UTRN: variants seen among roughly 807,000 people sequenced by gnomAD.
UTRN encodes utrophin.
A neutral mutation model predicts 463.9 loss-of-function variants in UTRN; 283 were observed. The observed-to-expected ratio is 0.61, with a 90% CI of 0.55 to 0.67. UTRN has a LOEUF of 0.67. Among genes scored for constraint, UTRN ranks in the 30% least tolerant of loss-of-function variants. The pLI is 0.00. For missense variants in UTRN, 3,922 were observed against 4,084.3 expected (o/e 0.96, Z 1.08); for synonymous variants, 1,442 against 1,431.5 (o/e 1.01, Z -0.17).
chr6:144,446,537 T>C (rs1254498117), intron 14 of UTRN, among the ~76,000 whole-genome samples: 1 of 152,268 alleles, frequency 6.6e-6, no homozygotes, highest in Admixed American at 6.5e-5. Flanking sequence ...TATCACAATG[T>C]AGCTACGGTT....
chr6:144,438,819 A>G lies in UTRN; in HGVS notation c.1316A>G (p.Glu439Gly), dbSNP rs574930209. 11 of 1,614,220 alleles carry G rather than the reference A, an allele frequency of 6.8e-6. No homozygotes were observed. In the South Asian group the frequency reaches 9.9e-5, roughly 14 times the overall value. ...TCCGCCTGGTTAACACTCACAGAGG[A>G]GCGCATTCAGAAGATGGAAACTTGC... Reference protein sequence around the residue: ...QLSAWLTLTEERIQKMETCPL... With the variant: ...QLSAWLTLTEGRIQKMETCPL... Residue 439 changes from glutamate (E) to glycine (G), a missense_variant, in exon 12 of 75, where the codon GAG becomes GGG. By Grantham distance (98) the Glu-to-Gly change is moderately conservative. Around this residue, in one of 3 missense-constraint regions of UTRN, gnomAD observed 2,349 missense variants for 2,303.8 expected, o/e 1.02. Transcript: ENST00000367545.
intron 62 of UTRN, 133 bp downstream of exon 62, chr6:144,789,412 A>G: frequency 1.4e-6 from 1 of 723,556 alleles, no homozygotes; most frequent in Admixed American, 3.2e-5. Context: ...TACTGTGCCT[A>G]TACCAAGTTA....
At chr6:144,803,175 TA>T (rs1777849135) in intron 65 of UTRN, 28 bp downstream of exon 65, 1 of 1,371,356 alleles carries the variant, frequency 7.3e-7, no homozygotes, top group Admixed American at 2.6e-5. Context: ...GTTTTGTTTT[TA>T]ATACATTGCC....
At chr6:144,505,864 C>G (rs1794648973) in intron 34 of UTRN, among the ~76,000 whole-genome samples, 1 of 151,956 alleles carries the variant, frequency 6.6e-6, no homozygotes, top group South Asian at 2.1e-4. Context: ...GTTAAAGTAT[C>G]CCCCTATTAT....
intron 34 of UTRN, among the ~76,000 whole-genome samples, chr6:144,504,047 T>C (rs1794474296): frequency 6.6e-6 from 1 of 151,136 alleles, no homozygotes. Context: ...CTCTCTATTA[T>C]TGGTGTATAG....
At chr6:144,573,966 A>T (rs905577448) in intron 50 of UTRN, among the ~76,000 whole-genome samples, 1 of 152,238 alleles carries the variant, frequency 6.6e-6, no homozygotes, top group Admixed American at 6.5e-5. Context: ...CGAACTCATA[A>T]CAAGGATACT....
At chr6:144,400,194 A>C (rs1782814529) in intron 2 of UTRN, among the ~76,000 whole-genome samples, 1 of 152,202 alleles carries the variant, frequency 6.6e-6, no homozygotes, top group East Asian at 1.9e-4. Flanking sequence ...CATTTAGAGA[A>C]GGTGTATATG....
rs1799470721 is a variant in UTRN at position 144,557,278 on chromosome 6, A to G, written c.7256A>G (p.Tyr2419Cys). 2.5e-6 allele frequency: 4 copies of G among 1,613,682 alleles called. No homozygotes were observed. The highest frequency in any genetic ancestry group is 3.4e-6 in the Non-Finnish European group (4 of 1,179,818). The change falls in exon 50 of 75, where the codon TAC becomes TGC. Residue 2419 changes from tyrosine to cysteine, a missense_variant. Physicochemically the swap from Tyr to Cys is radical, Grantham distance 194 (BLOSUM62 -2). Transcript: ENST00000367545. ...DTRNVKETTE[Y>C]LKTSWINLKQ... is the part of the protein sequence containing the mutation. ...AGGAATGTGAAAGAAACCACAGAGT[A>G]CTTAAAAACATCATGGATCAATCTC... is the stretch of plus-strand genomic sequence containing the variant.
intron 58 of UTRN, 103 bp from the exon 59 acceptor site, chr6:144,771,804 A>T: frequency 2.2e-6 from 2 of 906,946 alleles, no homozygotes; most frequent in East Asian, 5.5e-5. Flanking sequence ...ATGTATTTTT[A>T]AAAATTTGAA....
intron 66 of UTRN, among the ~76,000 whole-genome samples, chr6:144,823,394 G>A (rs1779768223): frequency 6.6e-6 from 1 of 152,244 alleles, no homozygotes; most frequent in South Asian, 2.1e-4. Flanking sequence ...ATGTGAGTGG[G>A]TAATAAAAAA....
At chr6:144,821,285 T>TTTG (rs1779580082) in intron 66 of UTRN, among the ~76,000 whole-genome samples, 1 of 152,154 alleles carries the variant, frequency 6.6e-6, no homozygotes, top group South Asian at 2.1e-4. Context: ...GGTCATCTCT[T>TTTG]TTGTTGGTCA....
In UTRN at chr6:144,390,071, C is replaced by G. The variant is rs186680189; in HGVS notation, c.80-13052C>G. Among the ~76,000 whole-genome samples the G allele has an allele frequency of 3.5e-3, 537 of 152,262 alleles. 4 individuals are homozygous for G. The highest frequency in any genetic ancestry group is 5.8e-3 in the Non-Finnish European group (396 of 68,026). ...CAATTTGGTGTATACTTGAAAATAG[C>G]ATAGAGAGCAGATTTTAAGTCTTCT... is the stretch of plus-strand genomic sequence containing the variant. On this transcript the variant is annotated intron_variant, in intron 2 of 74. Transcript: ENST00000367545.
At chr6:144,304,678 A>G (rs1246262950) in intron 2 of UTRN, among the ~76,000 whole-genome samples, 1 of 152,166 alleles carries the variant, frequency 6.6e-6, no homozygotes, top group Non-Finnish European at 1.5e-5. Context: ...GAGAATTGTG[A>G]GGTTTTCAAT....
In UTRN at chr6:144,485,420, TTTG is replaced by T; in HGVS notation, c.3724_3726del (p.Leu1242del). On this transcript the variant is annotated inframe_deletion, in exon 28 of 75. Transcript: ENST00000367545. ...CTTGTTGGATTGAACTGCTTCACTA[TTTG>T]GATCTTGAAACTACCTGGTTAAACA... 1 of 1,614,164 alleles carries T rather than the reference TTTG, an allele frequency of 6.2e-7. No homozygotes were observed. The highest frequency in any genetic ancestry group is 8.5e-7 in the Non-Finnish European group (1 of 1,180,028).
chr6:144,782,292 C>A (rs1373935658), intron 61 of UTRN, among the ~76,000 whole-genome samples, 169 bp downstream of exon 61: 1 of 152,090 alleles, frequency 6.6e-6, no homozygotes, highest in African/African-American at 2.4e-5. Flanking sequence ...CATTGAGCTT[C>A]TTAACAAACA....
At chr6:144,521,955 A>ATT (rs202042745) in intron 39 of UTRN, 25 bp from the exon 40 acceptor site, 17,099 of 936,802 alleles carry the variant, frequency 0.018, 392 homozygotes, top group Middle Eastern at 0.061. Context: ...ATATATATAT[A>ATT]TTTTTTTTTT....
intron 52 of UTRN, among the ~76,000 whole-genome samples, chr6:144,683,704 T>C (rs1432688608): frequency 6.6e-6 from 1 of 152,182 alleles, no homozygotes; most frequent in Non-Finnish European, 1.5e-5. Flanking sequence ...GAAACTCTTT[T>C]CAATAGAGGT....
intron 52 of UTRN, among the ~76,000 whole-genome samples, chr6:144,695,215 A>G (rs1396736834): frequency 1.3e-5 from 2 of 152,154 alleles, no homozygotes; most frequent in Non-Finnish European, 2.9e-5. Context: ...GATCTACCCT[A>G]AGTGTTTTAC....
intron 2 of UTRN, among the ~76,000 whole-genome samples, chr6:144,321,721 C>G (rs1186959685): frequency 6.6e-6 from 1 of 151,110 alleles, no homozygotes; most frequent in South Asian, 2.1e-4. Context: ...CTGCCCACCT[C>G]GGCCTCCCAA....
Sources: gnomAD v4.1 joint callset for allele counts (sites outside exome capture counted in the v4.1 genomes callset) on GRCh38, gnomAD v4.1.1 for gene constraint, gnomAD v4.1.1 regional missense constraint, MANE v1.5 for transcripts, NCBI Gene and HGNC (gene_info 2026-07-23, HGNC 2026-07-21) for gene names.